MLIP: variants seen among roughly 807,000 people sequenced by gnomAD.
MLIP encodes muscular LMNA interacting protein, also known as muscular LMNA-interacting protein.
MLIP carries 79 observed loss-of-function variants against 84.8 expected under a neutral mutation model. That is an observed-to-expected ratio of 0.93 (90% CI 0.78 to 1.12). The LOEUF is 1.12. Among genes scored for constraint, MLIP ranks in the 50% most tolerant of loss-of-function variants. The pLI is 0.00. For missense variants in MLIP, 1,257 were observed against 1,160.6 expected, an observed-to-expected ratio of 1.08 and a Z score of -1.21; for synonymous variants, 504 against 463.0, an observed-to-expected ratio of 1.09 and a Z score of -1.14.
At chr6:54,244,483 A>G (rs1006636515) in intron 12 of MLIP, among the ~76,000 whole-genome samples, 1 of 152,330 alleles carries the variant, frequency 6.6e-6, no homozygotes, top group African/African-American at 2.4e-5. Context: ...TCTGTTCAAA[A>G]TGACTAAATG....
chr6:54,175,725 T>C (rs1443801622), intron 9 of MLIP, among the ~76,000 whole-genome samples: 1 of 152,056 alleles, frequency 6.6e-6, no homozygotes, highest in African/African-American at 2.4e-5. Flanking sequence ...CTTTCCAATT[T>C]AGGTGCCCTT....
intron 9 of MLIP, among the ~76,000 whole-genome samples, chr6:54,173,527 C>T (rs1252425552): frequency 6.6e-6 from 1 of 151,686 alleles, no homozygotes; most frequent in African/African-American, 2.4e-5. Context: ...TTTCTTATGA[C>T]ACTCATTTTT....
At chr6:54,122,348 T>C (rs955175284) in intron 2 of MLIP, among the ~76,000 whole-genome samples, 1 of 152,196 alleles carries the variant, frequency 6.6e-6, no homozygotes, top group Admixed American at 6.5e-5. Context: ...CATATCTTGA[T>C]TGTACCTATC....
chr6:54,038,618 A>T (rs1368254872), intron 1 of MLIP, among the ~76,000 whole-genome samples: 1 of 151,518 alleles, frequency 6.6e-6, no homozygotes, highest in Non-Finnish European at 1.5e-5. Context: ...AGTTTTGATG[A>T]TTCCTTAAAA....
intron 1 of MLIP, chr6:54,083,455 C>T: frequency 6.6e-7 from 1 of 1,520,908 alleles, no homozygotes; most frequent in East Asian, 2.5e-5. Context: ...GTCATCTTTG[C>T]AGCTCATCAA....
chr6:54,230,730 C>T lies in MLIP; in HGVS notation c.2735C>T (p.Pro912Leu). 6.2e-7 allele frequency: 1 copy of T among 1,614,024 alleles called. No individual in the cohort carries two copies. Among genetic ancestry groups the T allele is most frequent in the Non-Finnish European group, 8.5e-7 (1 of 1,179,962 alleles). Residue 912 changes from proline to leucine, a missense_variant, in exon 12 of 14, where the codon CCC becomes CTC. Coordinates refer to ENST00000502396, the MANE Select transcript of MLIP (RefSeq NM_001281747.2). ...CCCCACCAGGATGTAACAGTCCCTC[C>T]CAAGCCTGTCTCGCTCCATCCTTTA... ...LFSEQDVTVP[P>L]KPVSLHPLYQ...
chr6:54,114,231 C>T (rs1769717584), intron 1 of MLIP, among the ~76,000 whole-genome samples: 1 of 152,188 alleles, frequency 6.6e-6, no homozygotes, highest in Non-Finnish European at 1.5e-5. Flanking sequence ...TTATTGATCT[C>T]ATCTAGTCTC....
At chr6:54,182,385 G>A (rs757700852) in intron 9 of MLIP, among the ~76,000 whole-genome samples, 24 of 152,168 alleles carry the variant, frequency 1.6e-4, no homozygotes, top group Admixed American at 3.3e-4. Context: ...CACTACTGGG[G>A]AGTAGGGGGA....
rs1771877235 is a variant in MLIP at position 54,137,164 on chromosome 6, A to G, written c.1095A>G (p.Pro365=). ...AGTCGAATTCGGCCTCGTACATACC[A>G]GTCCGCATTGTCACGCATTCACTCT... ...SLKSNSASYI[P]VRIVTHSLSP... is the part of the protein sequence containing the mutation. Residue 365 remains proline, a synonymous_variant, in exon 4 of 14, where the codon CCA becomes CCG. Coordinates refer to ENST00000502396, the MANE Select transcript of MLIP (RefSeq NM_001281747.2). 6.5e-7 allele frequency: 1 copy of G among 1,536,054 alleles called. No homozygotes were observed. The highest frequency in any genetic ancestry group is 8.7e-7 in the Non-Finnish European group (1 of 1,146,868).
chr6:54,100,856 G>T (rs1442289322), intron 1 of MLIP, among the ~76,000 whole-genome samples: 1 of 152,068 alleles, frequency 6.6e-6, no homozygotes, highest in African/African-American at 2.4e-5. Context: ...AAACACATTG[G>T]CAAACTGTAG....
Position 54,124,728 on chromosome 6 carries a change from G to C in MLIP, c.508G>C (p.Val170Leu). Residue 170 changes from valine to leucine, a missense_variant, in exon 3 of 14, where the codon GTC (valine) becomes CTC (leucine). By Grantham distance (32) the Val-to-Leu change is conservative (BLOSUM62 1). Coordinates refer to ENST00000502396, the MANE Select transcript of MLIP (RefSeq NM_001281747.2). ...GPPGGIGTAAVRPKSLAISSS... is the reference protein window; with the variant it reads ...GPPGGIGTAALRPKSLAISSS... ...CCCAGGGGGGATTGGCACCGCAGCT[G>C]TCCGGCCCAAGTCTCTAGCTATCTC... 3 of 1,613,968 alleles carry C rather than the reference G, an allele frequency of 1.9e-6. No individual in the cohort carries two copies. Among genetic ancestry groups the C allele is most frequent in the Admixed American group, 1.7e-5 (1 of 60,010 alleles).
chr6:54,176,839 AG>A (rs1205558114), intron 9 of MLIP, among the ~76,000 whole-genome samples: 4 of 151,954 alleles, frequency 2.6e-5, no homozygotes, highest in Admixed American at 2.0e-4. Context: ...GCATGGTACT[AG>A]TACAAAAACA....
chr6:54,240,826 A>T (rs1781686186), intron 12 of MLIP, among the ~76,000 whole-genome samples: 1 of 152,136 alleles, frequency 6.6e-6, no homozygotes, highest in Non-Finnish European at 1.5e-5. Flanking sequence ...AATAGAAAAA[A>T]TGAGCTGGGC....
At chr6:54,217,310 C>T (rs1779921660) in intron 11 of MLIP, 1 of 985,280 alleles carries the variant, frequency 1.0e-6, no homozygotes, top group Non-Finnish European at 1.2e-6. Flanking sequence ...TTCAGATGTG[C>T]AGGCTTTAAT....
intron 1 of MLIP, among the ~76,000 whole-genome samples, chr6:54,082,116 T>C (rs1212954127): frequency 6.6e-6 from 1 of 152,170 alleles, no homozygotes; most frequent in Non-Finnish European, 1.5e-5. Flanking sequence ...GTTATTCTTT[T>C]GTAATTTGAT....
chr6:54,208,613 A>G (rs1779205878), intron 11 of MLIP, among the ~76,000 whole-genome samples: 1 of 152,176 alleles, frequency 6.6e-6, no homozygotes, highest in South Asian at 2.1e-4. Context: ...GTTTGTAAGG[A>G]AAAAAAGATG....
intron 12 of MLIP, among the ~76,000 whole-genome samples, chr6:54,251,110 A>G (rs1163189029): frequency 6.6e-6 from 1 of 152,076 alleles, no homozygotes; most frequent in African/African-American, 2.4e-5. Flanking sequence ...ATCTAACTAT[A>G]CAACTCCAGT....
chr6:54,111,430 C>T (rs904536425), upstream of MLIP: 6 of 1,534,410 alleles, frequency 3.9e-6, no homozygotes, highest in Admixed American at 7.9e-5. Context: ...GTATGAGGCT[C>T]CCTTCCCACC....
chr6:54,255,196 C>T (rs1293786316), intron 12 of MLIP, among the ~76,000 whole-genome samples: 2 of 152,134 alleles, frequency 1.3e-5, no homozygotes, highest in African/African-American at 4.8e-5. Context: ...GGGCATATTG[C>T]CACCTCATAC....
Sources: allele counts gnomAD v4.1 joint callset (sites outside exome capture counted in the v4.1 genomes callset), GRCh38; gene constraint gnomAD v4.1.1; transcripts MANE v1.5; gene names NCBI Gene and HGNC (gene_info 2026-07-23, HGNC 2026-07-21).